The following AFF3 variants were observed in gnomAD, a reference collection of about 807,000 sequenced individuals.
AFF3 encodes AF4/FMR2 family member 3.
In AFF3, 32 loss-of-function variants were observed where a neutral mutation model predicts 129.7. That is an observed-to-expected ratio of 0.25 (90% confidence interval 0.19 to 0.33). The LOEUF (loss-of-function observed/expected upper bound fraction) is 0.33, where lower values mean the gene tolerates loss of function less well. Among genes scored for constraint, AFF3 ranks in the 10% least tolerant of loss-of-function variants. The pLI, the probability that AFF3 is intolerant of heterozygous loss-of-function variation, is 1.00. For missense variants in AFF3, 1,373 were observed against 1,592.0 expected (o/e 0.86, Z 2.34); for synonymous variants, 644 against 635.4 (o/e 1.01, Z -0.20).
chr2:99,650,796 A>ACGTGTGTGTGTG (rs1685166065), intron 12 of AFF3, among the ~76,000 whole-genome samples: 1 of 144,756 alleles, frequency 6.9e-6, no homozygotes, highest in Non-Finnish European at 1.5e-5. Flanking sequence ...ACTAAAATTA[A>ACGTGTGTGTGTG]TGTGTGTGTG....
At chr2:99,988,137 A>G (rs1422945537) in intron 7 of AFF3, among the ~76,000 whole-genome samples, 1 of 152,184 alleles carries the variant, frequency 6.6e-6, no homozygotes, top group African/African-American at 2.4e-5. Flanking sequence ...ATGAAGGATG[A>G]TAGATAGATG....
rs535520579 is a variant in AFF3, at chr2:99,550,354, C to T, written c.*1120G>A. 3.5e-3 allele frequency: 808 copies of T among 230,342 alleles called. 3 individuals carry two copies. Among genetic ancestry groups the T allele is most frequent in the Non-Finnish European group, 5.4e-3 (623 of 116,176 alleles). 14.3% of individuals were successfully genotyped at this position (230,342 alleles called of 1,614,324 possible). ...CTGAAAAATCGCCCCCAAATCAAAA[C>T]GCATCAAAGGGCTGCAGGTGCACAT... is the stretch of plus-strand genomic sequence containing the variant. On this transcript the variant is annotated 3_prime_UTR_variant, in exon 25 of 25. Transcript: ENST00000672756.
intron 7 of AFF3, among the ~76,000 whole-genome samples, chr2:99,988,009 G>C (rs558174325): frequency 5.3e-5 from 8 of 152,294 alleles, no homozygotes; most frequent in African/African-American, 1.9e-4. Flanking sequence ...GAATAAGAGA[G>C]CATGCCAGCC....
At chr2:99,949,771 C>G (rs1205373481) in intron 7 of AFF3, among the ~76,000 whole-genome samples, 1 of 152,228 alleles carries the variant, frequency 6.6e-6, no homozygotes, top group Non-Finnish European at 1.5e-5. Flanking sequence ...GCCAGCTACT[C>G]ACCTTCTGCT....
chr2:99,943,143 T>C (rs12475170), intron 7 of AFF3, among the ~76,000 whole-genome samples: 3 of 152,118 alleles, frequency 2.0e-5, no homozygotes, highest in Non-Finnish European at 2.9e-5. Flanking sequence ...ATCAACCCCA[T>C]TGTCATGGGT....
chr2:100,045,845 T>C (rs1451200195), intron 4 of AFF3, among the ~76,000 whole-genome samples: 2 of 152,374 alleles, frequency 1.3e-5, no homozygotes, highest in South Asian at 2.1e-4. Context: ...ATATCTATCA[T>C]ATATTAACAG....
At chr2:99,611,599 C>T (rs1172092558) in intron 13 of AFF3, among the ~76,000 whole-genome samples, 1 of 151,910 alleles carries the variant, frequency 6.6e-6, no homozygotes, top group Non-Finnish European at 1.5e-5. Flanking sequence ...TGGTTATTGT[C>T]TACAAGTTTC....
chr2:99,865,473 A>T (rs756740627), intron 7 of AFF3, among the ~76,000 whole-genome samples: 2 of 152,236 alleles, frequency 1.3e-5, no homozygotes, highest in Non-Finnish European at 2.9e-5. Flanking sequence ...TTGACGACAG[A>T]ATCAGATTCA....
intron 8 of AFF3, among the ~76,000 whole-genome samples, chr2:99,778,179 A>G (rs1188481173): frequency 6.6e-6 from 1 of 151,946 alleles, no homozygotes; most frequent in Non-Finnish European, 1.5e-5. Flanking sequence ...TCCTGCCTGG[A>G]GCTCTGTCTG....
chr2:100,010,387 G>A (rs780552112), intron 4 of AFF3, among the ~76,000 whole-genome samples: 5 of 152,132 alleles, frequency 3.3e-5, no homozygotes, highest in Non-Finnish European at 5.9e-5. Context: ...CGTGTGGCTG[G>A]GGTACAGTTT....
chr2:99,703,002 G>T (rs1677017738), intron 11 of AFF3, among the ~76,000 whole-genome samples: 1 of 152,166 alleles, frequency 6.6e-6, no homozygotes, highest in East Asian at 1.9e-4. Context: ...AGGTCCCAAA[G>T]ATATTTTCTT....
intron 11 of AFF3, among the ~76,000 whole-genome samples, chr2:99,697,074 T>C (rs1163811327): frequency 6.6e-6 from 1 of 152,230 alleles, no homozygotes; most frequent in Non-Finnish European, 1.5e-5. Flanking sequence ...TTTGAAGGCA[T>C]CAAGTCTCTT....
At chr2:100,014,576 T>C (rs948410760) in intron 4 of AFF3, among the ~76,000 whole-genome samples, 3 of 152,068 alleles carry the variant, frequency 2.0e-5, no homozygotes, top group Admixed American at 2.0e-4. Context: ...CAGCCTGTGG[T>C]CAGGGCACTG....
intron 12 of AFF3, among the ~76,000 whole-genome samples, chr2:99,651,233 G>A (rs1490509350): frequency 1.0e-4 from 15 of 150,496 alleles, no homozygotes; most frequent in South Asian, 8.4e-4. Context: ...TTTTGTACTT[G>A]CTTTCCTTTT....
chr2:99,680,646 C>T (rs1211296174), intron 11 of AFF3, among the ~76,000 whole-genome samples: 3 of 152,162 alleles, frequency 2.0e-5, no homozygotes, highest in Admixed American at 6.5e-5. Context: ...TGTTTGCTAG[C>T]TAATGGTGTG....
intron 8 of AFF3, among the ~76,000 whole-genome samples, chr2:99,820,350 G>GA (rs2105672149): frequency 6.6e-6 from 1 of 152,154 alleles, no homozygotes; most frequent in East Asian, 1.9e-4. Flanking sequence ...TGAACATACC[G>GA]AAACATAGAA....
chr2:99,806,551 C>T (rs1433763821), intron 8 of AFF3, among the ~76,000 whole-genome samples: 1 of 152,104 alleles, frequency 6.6e-6, no homozygotes, highest in Non-Finnish European at 1.5e-5. Context: ...CTCTGGGGAA[C>T]CACTCCAGAC....
At chr2:99,786,138 G>A (rs1168006720) in intron 8 of AFF3, among the ~76,000 whole-genome samples, 1 of 152,216 alleles carries the variant, frequency 6.6e-6, no homozygotes, top group Admixed American at 6.5e-5. Context: ...AATTACGGGT[G>A]CTTTCTGCAA....
intron 14 of AFF3, among the ~76,000 whole-genome samples, chr2:99,596,779 T>C (rs894940384): frequency 1.3e-5 from 2 of 152,230 alleles, no homozygotes; most frequent in Non-Finnish European, 2.9e-5. Context: ...CAGAATTTAA[T>C]ACATTTAGTA....
Sources: allele counts gnomAD v4.1 joint callset (sites outside exome capture counted in the v4.1 genomes callset), GRCh38; gene constraint gnomAD v4.1.1; transcripts MANE v1.5; gene names NCBI Gene and HGNC (gene_info 2026-07-23, HGNC 2026-07-21).